The following LINGO1 variants were observed in gnomAD, a reference collection of about 807,000 sequenced individuals.
LINGO1 encodes leucine-rich repeat and immunoglobulin-like domain-containing nogo receptor-interacting protein 1.
In LINGO1, 11 loss-of-function variants were observed where a neutral mutation model predicts 37.3. That is an observed-to-expected ratio of 0.29 (90% CI 0.19 to 0.49). The LOEUF (loss-of-function observed/expected upper bound fraction) is 0.49. LINGO1 is among the 20% of genes least tolerant of loss of function. The pLI is 0.99. For missense variants in LINGO1, 585 were observed against 878.2 expected, an observed-to-expected ratio of 0.67 and a Z score of 4.22; for synonymous variants, 387 against 403.0, an observed-to-expected ratio of 0.96 and a Z score of 0.48.
At chr15:77,710,744 G>A (rs934198812) in intron 2 of LINGO1, among the ~76,000 whole-genome samples, 5 of 152,252 alleles carry the variant, frequency 3.3e-5, no homozygotes, top group African/African-American at 1.2e-4. Flanking sequence ...CGGGGCGGCT[G>A]GGGTAGCCCC....
At chr15:77,818,128 T>C (rs2077063374) in intron 1 of LINGO1, among the ~76,000 whole-genome samples, 1 of 152,054 alleles carries the variant, frequency 6.6e-6, no homozygotes, top group East Asian at 1.9e-4. Context: ...CCCAGGGAAG[T>C]CCAAGCTGGA....
intron 3 of LINGO1, among the ~76,000 whole-genome samples, chr15:77,657,309 C>T (rs1169174770): frequency 2.0e-5 from 3 of 151,918 alleles, no homozygotes; most frequent in South Asian, 2.1e-4. Context: ...GAAAGAACCA[C>T]CCTGGGCAGG....
At chr15:77,782,891 T>A (rs1248681239) in intron 1 of LINGO1, among the ~76,000 whole-genome samples, 1 of 151,988 alleles carries the variant, frequency 6.6e-6, no homozygotes, top group Admixed American at 6.6e-5. Context: ...CTCACTGGCT[T>A]AATCCCCTCC....
At chr15:77,763,273 G>T (rs1008785378) in intron 1 of LINGO1, among the ~76,000 whole-genome samples, 1 of 152,142 alleles carries the variant, frequency 6.6e-6, no homozygotes, top group Non-Finnish European at 1.5e-5. Context: ...AACCCCTCAG[G>T]CCTGGGTGTG....
At chr15:77,627,312 C>A (rs1027729097) in intron 1 of LINGO1, among the ~76,000 whole-genome samples, 2 of 152,098 alleles carry the variant, frequency 1.3e-5, no homozygotes, top group African/African-American at 4.8e-5. Flanking sequence ...TGGAATCAAT[C>A]GTTGGTGTAC....
intron 1 of LINGO1, among the ~76,000 whole-genome samples, chr15:77,771,651 G>A (rs925418040): frequency 2.6e-5 from 4 of 152,222 alleles, no homozygotes; most frequent in African/African-American, 4.8e-5. Flanking sequence ...GGGCACACCC[G>A]AGGAGGAGGA....
chr15:77,743,660 G>A (rs1416902186), intron 1 of LINGO1, among the ~76,000 whole-genome samples: 2 of 152,300 alleles, frequency 1.3e-5, no homozygotes, highest in South Asian at 2.1e-4. Context: ...CAAAAGCATC[G>A]TGTTCAGGGC....
chr15:77,637,296 G>A (rs557030555), upstream of LINGO1, among the ~76,000 whole-genome samples: 3 of 152,374 alleles, frequency 2.0e-5, no homozygotes, highest in East Asian at 5.8e-4. The surrounding 1 kb of genome is among the most constrained non-coding windows in gnomAD (Gnocchi z 4.6). Flanking sequence ...CAAGACTCAA[G>A]GGCAAGGGTG....
upstream of LINGO1, among the ~76,000 whole-genome samples, chr15:77,633,307 T>C (rs1234602720): frequency 1.3e-5 from 2 of 152,136 alleles, no homozygotes; most frequent in African/African-American, 4.8e-5. Flanking sequence ...TGCGTGTGCA[T>C]GTGAGCGCGC....
At chr15:77,685,440 C>G (rs1026283676) in intron 2 of LINGO1, among the ~76,000 whole-genome samples, 3 of 152,134 alleles carry the variant, frequency 2.0e-5, no homozygotes, top group Non-Finnish European at 4.4e-5. Context: ...AGGCAGTGGA[C>G]ATGTCTGGGG....
At chr15:77,688,007 C>G (rs73457862) in intron 2 of LINGO1, among the ~76,000 whole-genome samples, 1 of 152,160 alleles carries the variant, frequency 6.6e-6, no homozygotes. Flanking sequence ...ACCTTGCTGA[C>G]GCTCCTGTCT....
intron 1 of LINGO1, among the ~76,000 whole-genome samples, chr15:77,748,911 T>TC (rs1567561765): frequency 5.4e-4 from 4 of 7,344 alleles, no homozygotes; most frequent in African/African-American, 7.3e-4. Flanking sequence ...TTCCTTCTCT[T>TC]TTTTTTTTTT....
Position 77,615,788 on chromosome 15 carries a change from G to T in LINGO1, c.119C>A (p.Thr40Lys), listed in dbSNP as rs747055318. The T allele has an allele frequency of 3.8e-6, 6 of 1,567,026 alleles. No individual in the cohort carries two copies. The African/African-American group carries it at 6.7e-5, about 18-fold the overall frequency. ...VLGSVLSGSA[T>K]GCPPRCECSA... ...GCACTCGCAGCGGGGCGGGCAGCCCGTGGCCGAGCCTGACAGCACTGAGCC... is the reference window on the plus strand; with the variant it reads ...GCACTCGCAGCGGGGCGGGCAGCCCTTGGCCGAGCCTGACAGCACTGAGCC... Residue 40 changes from threonine (T) to lysine (K), a missense_variant, in exon 2 of 2, where the codon ACG becomes AAG. Around this residue, in one of 4 missense-constraint regions of LINGO1, gnomAD observed 65 missense variants for 57.0 expected, o/e 1.14. Transcript: ENST00000355300.
intron 1 of LINGO1, among the ~76,000 whole-genome samples, chr15:77,691,940 A>G (rs1278753409): frequency 6.6e-6 from 1 of 152,222 alleles, no homozygotes; most frequent in Non-Finnish European, 1.5e-5. Flanking sequence ...CACAGGGTCC[A>G]GATTACAGAT....
intron 2 of LINGO1, among the ~76,000 whole-genome samples, chr15:77,680,216 G>A (rs915761612): frequency 8.5e-5 from 13 of 152,220 alleles, no homozygotes; most frequent in African/African-American, 2.4e-4. Context: ...GAGTTGTTGT[G>A]TGGACCAGAG....
At chr15:77,787,494 G>A (rs1276978574), upstream of LINGO1, among the ~76,000 whole-genome samples, 1 of 151,854 alleles carries the variant, frequency 6.6e-6, no homozygotes, top group African/African-American at 2.4e-5. Flanking sequence ...TGGGCCAGAA[G>A]GACACAGGGG....
intron 1 of LINGO1, among the ~76,000 whole-genome samples, chr15:77,760,916 CTTTT>C (rs34524098): frequency 3.1e-5 from 3 of 96,400 alleles, no homozygotes; most frequent in East Asian, 3.0e-4. Flanking sequence ...TAATAAGTAT[CTTTT>C]TTTTTTTTTT....
At chr15:77,803,647 GAT>G (rs2076936738) in intron 1 of LINGO1, among the ~76,000 whole-genome samples, 1 of 152,016 alleles carries the variant, frequency 6.6e-6, no homozygotes, top group Admixed American at 6.6e-5. Flanking sequence ...CTGTCCTCGT[GAT>G]AGTTGAGTTC....
At chr15:77,669,385 C>T (rs576944540) in intron 3 of LINGO1, among the ~76,000 whole-genome samples, 18 of 152,356 alleles carry the variant, frequency 1.2e-4, no homozygotes, top group African/African-American at 4.3e-4. Flanking sequence ...AGCCACATCT[C>T]ATCTCACTCC....
Sources: allele counts gnomAD v4.1 joint callset (sites outside exome capture counted in the v4.1 genomes callset), GRCh38; gene constraint gnomAD v4.1.1; regional missense constraint gnomAD v4.1.1; non-coding constraint Gnocchi (gnomAD v3.1); transcripts MANE v1.5; gene names NCBI Gene and HGNC (gene_info 2026-07-23, HGNC 2026-07-21).